The following AKR1B15 variants were observed in gnomAD, a reference collection of about 807,000 sequenced individuals.
AKR1B15 encodes the protein aldo-keto reductase family 1 member B15, also known as estradiol 17-beta-dehydrogenase AKR1B15.
A neutral mutation model predicts 38.5 loss-of-function variants in AKR1B15; 49 were observed. That is an observed-to-expected ratio of 1.27 (90% CI 1.01 to 1.62). AKR1B15 has a LOEUF of 1.62. Among genes scored for constraint, AKR1B15 ranks in the 40% most tolerant of loss-of-function variants. The pLI, the probability that AKR1B15 is intolerant of heterozygous loss-of-function variation, is 0.00. For synonymous variants in AKR1B15, 137 were observed against 135.5 expected (o/e 1.01, Z -0.08); for missense variants, 411 against 381.6 (o/e 1.08, Z -0.64).
intron 2 of AKR1B15, among the ~76,000 whole-genome samples, chr7:134,558,118 G>C (rs1272166030): frequency 1.3e-5 from 2 of 152,174 alleles, no homozygotes; most frequent in African/African-American, 4.8e-5. Flanking sequence ...GGGACCCCAA[G>C]CAATGTGCAA....
At chr7:134,565,626 A>T in intron 3 of AKR1B15, 1 of 1,582,418 alleles carries the variant, frequency 6.3e-7, no homozygotes, top group African/African-American at 1.3e-5. Context: ...CAGCCAGAAA[A>T]GCCTGGAGGT....
At chr7:134,566,294 A>G (rs746729790) in intron 3 of AKR1B15, among the ~76,000 whole-genome samples, 4 of 152,110 alleles carry the variant, frequency 2.6e-5, no homozygotes, top group Non-Finnish European at 4.4e-5. Context: ...GATCCCGTGT[A>G]AGAGAAAGAA....
In AKR1B15 at chr7:134,579,829, C is replaced by T. The variant is rs1794844384; in HGVS notation, c.*280C>T. 2.8e-6 allele frequency: 1 copy of T among 353,152 alleles called. No homozygotes were observed. The highest frequency in any genetic ancestry group is 4.7e-5 in the Admixed American group (1 of 21,360). The allele number at this position is 353,152 out of a possible 1,614,324, so 21.9% of individuals were successfully genotyped here. A position where few individuals can be genotyped will look rare whatever the true frequency, so the allele number is the denominator to read the frequency against. On this transcript the variant is annotated 3_prime_UTR_variant, in exon 12 of 12. Coordinates refer to ENST00000457545, the MANE Select transcript of AKR1B15 (RefSeq NM_001080538.3). Reference sequence around the variant, plus strand: ...TTAAGCACCAGAAACTCTGCCAACACTGAGGATGTAAAGATAAATAATAAA... The same window carrying T: ...TTAAGCACCAGAAACTCTGCCAACATTGAGGATGTAAAGATAAATAATAAA...
intron 3 of AKR1B15, among the ~76,000 whole-genome samples, chr7:134,565,721 A>G (rs1193973700): frequency 2.0e-5 from 3 of 152,154 alleles, no homozygotes; most frequent in Admixed American, 6.5e-5. Context: ...TCAAGCTGCA[A>G]TGCTGCAAGA....
rs549352884 is a variant in AKR1B15, at chr7:134,578,886, C to T, written c.993-621C>T. 3.3e-5 allele frequency among the ~76,000 whole-genome samples: 5 copies of T among 152,288 alleles called. No homozygotes were observed. The South Asian group carries it at 1.0e-3, about 32-fold the overall frequency. ...GGTGAACATAAGATGTGACTCTCCCCCAAACTAAAACACTTACTTTCCTAT... is the reference window on the plus strand; with the variant it reads ...GGTGAACATAAGATGTGACTCTCCCTCAAACTAAAACACTTACTTTCCTAT... On this transcript the variant is annotated intron_variant, in intron 11 of 11. Coordinates refer to ENST00000457545, the MANE Select transcript of AKR1B15 (RefSeq NM_001080538.3).
At position 134,577,777 on chromosome 7, in the gene AKR1B15, A is replaced by G. The variant is rs1794797135; in HGVS notation, c.983A>G (p.Asp328Gly). The G allele has an allele frequency of 6.2e-7, 1 of 1,613,906 alleles. No individual in the cohort carries two copies. Among genetic ancestry groups the G allele is most frequent in the African/African-American group, 1.3e-5 (1 of 75,056 alleles). ...TTCAACAGAAACTGGAGGGCCTTTG[A>G]CTTCAAGGAGTAAGTGGCATGGAGT... ...LSFNRNWRAFDFKEFSHLEDF... is the reference protein window; with the variant it reads ...LSFNRNWRAFGFKEFSHLEDF... The change falls in exon 11 of 12, where the codon GAC becomes GGC. Residue 328 changes from aspartate (D) to glycine (G), a missense_variant. Transcript: ENST00000457545.
intron 1 of AKR1B15, among the ~76,000 whole-genome samples, chr7:134,554,233 C>CA: frequency 6.6e-6 from 1 of 152,128 alleles, no homozygotes; most frequent in East Asian, 1.9e-4. Context: ...AACCAAAGAG[C>CA]AGACTCTGCA....
At chr7:134,577,072 G>T in intron 10 of AKR1B15, 26 bp downstream of exon 10, 1 of 1,588,562 alleles carries the variant, frequency 6.3e-7, no homozygotes, top group Non-Finnish European at 8.6e-7. Flanking sequence ...GTCGGGCCTG[G>T]TATTCCTCAG....
chr7:134,565,473 C>T (rs780450663), intron 3 of AKR1B15: 30 of 1,613,156 alleles, frequency 1.9e-5, no homozygotes, highest in Non-Finnish European at 2.3e-5. Flanking sequence ...ATCATTTCCG[C>T]ACCAACCATG....
Position 134,562,936 on chromosome 7 carries a change from T to G in AKR1B15, c.-22-1662T>G, listed in dbSNP as rs182932458. ...TTCCTTCCTTCCTTGCTCCCTTCCT[T>G]CCTTTACTCTCTTTCTGTCTTTTTC... On this transcript the variant is annotated intron_variant, in intron 2 of 11. Transcript: ENST00000457545. 7.3e-5 allele frequency among the ~76,000 whole-genome samples: 11 copies of G among 150,820 alleles called. No homozygotes were observed. The East Asian group carries it at 2.0e-3, about 27-fold the overall frequency.
At chr7:134,559,858 C>A (rs1443065618) in intron 2 of AKR1B15, among the ~76,000 whole-genome samples, 1 of 152,118 alleles carries the variant, frequency 6.6e-6, no homozygotes, top group African/African-American at 2.4e-5. Flanking sequence ...GCCTGTAATC[C>A]CAGCACTTTG....
intron 2 of AKR1B15, among the ~76,000 whole-genome samples, chr7:134,561,975 TC>T (rs1794407587): frequency 1.3e-5 from 2 of 152,260 alleles, no homozygotes; most frequent in South Asian, 4.1e-4. Context: ...TTTTCTTCCT[TC>T]TTTGCTTTGC....
intron 6 of AKR1B15, among the ~76,000 whole-genome samples, chr7:134,572,353 C>G (rs765279893): frequency 6.6e-6 from 1 of 152,090 alleles, no homozygotes; most frequent in Non-Finnish European, 1.5e-5. Context: ...AACACACATC[C>G]GGAAATCAGG....
chr7:134,575,435 G>T lies in AKR1B15; in HGVS notation c.529G>T (p.Val177Leu), dbSNP rs1484607007. 7 of 1,613,840 alleles carry T rather than the reference G, an allele frequency of 4.3e-6. No homozygotes were observed. The highest frequency in any genetic ancestry group is 5.9e-6 in the Non-Finnish European group (7 of 1,179,806). Residue 177 changes from valine (V) to leucine (L), a missense_variant, in exon 7 of 12, where the codon GTG (valine) becomes TTG (leucine). Physicochemically the swap from Val to Leu is conservative, Grantham distance 32. Transcript: ENST00000457545. The stretch of plus-strand genomic sequence containing the variant: ...TCTATGATAGGCCATGGAGGAGCTG[G>T]TGGACGAGGGGCTGGTGAAAGCCCT... ...LDAWEAMEELVDEGLVKALGV... is the reference protein window; with the variant it reads ...LDAWEAMEELLDEGLVKALGV...
intron 1 of AKR1B15, among the ~76,000 whole-genome samples, chr7:134,555,097 G>A (rs1047022697): frequency 2.6e-4 from 40 of 152,088 alleles, no homozygotes; most frequent in African/African-American, 9.7e-4. Context: ...TGTATGGAAG[G>A]GCTCCGCCTA....
At chr7:134,562,827 CCTTTCTCTTT>C (rs1475293995) in intron 2 of AKR1B15, among the ~76,000 whole-genome samples, 10 of 138,398 alleles carry the variant, frequency 7.2e-5, no homozygotes, top group South Asian at 5.0e-4. Flanking sequence ...TTCCTTCCTT[CCTTTCTCTTT>C]CTTTCTTTCT....
Position 134,579,387 on chromosome 7 carries a change from G to A in AKR1B15, c.993-120G>A, listed in dbSNP as rs1452854679. ...GTGTAAGCACCCTTCTTGTGTTCTT[G>A]CAGGGAGGAGGCTGAGAGACCACAA... On this transcript the variant is annotated intron_variant, in intron 11 of 11. Coordinates refer to ENST00000457545, the MANE Select transcript of AKR1B15 (RefSeq NM_001080538.3). The A allele has an allele frequency of 6.3e-6, 5 of 789,866 alleles. No individual in the cohort carries two copies. The African/African-American group carries it at 9.0e-5, about 14-fold the overall frequency. 48.9% of individuals were successfully genotyped at this position (789,866 alleles called of 1,614,324 possible).
At chr7:134,561,145 G>A (rs1794376944) in intron 2 of AKR1B15, among the ~76,000 whole-genome samples, 1 of 152,150 alleles carries the variant, frequency 6.6e-6, no homozygotes, top group Non-Finnish European at 1.5e-5. Context: ...AGTATACACT[G>A]GGAAAATAAG....
rs1794767935 is a variant in AKR1B15, at chr7:134,576,350, G to T, written c.745G>T (p.Ala249Ser). The T allele has an allele frequency of 1.2e-6, 2 of 1,613,910 alleles. No individual in the cohort carries two copies. Among genetic ancestry groups the T allele is most frequent in the Non-Finnish European group, 1.7e-6 (2 of 1,179,960 alleles). Reference protein sequence around the residue: ...SPLGSPDRPWAKPEDPSLLED... With the variant: ...SPLGSPDRPWSKPEDPSLLED... ...ACATCAGCATCTTTCTGCCCCTAGG[G>T]CCAAACCTGAGGACCCTTCCCTGCT... is the stretch of plus-strand genomic sequence containing the variant. Residue 249 changes from alanine (A) to serine (S), a missense_variant and splice_region_variant, in exon 9 of 12, where the codon GCC becomes TCC. Coordinates refer to ENST00000457545, the MANE Select transcript of AKR1B15 (RefSeq NM_001080538.3).
Sources: gnomAD v4.1 joint callset for allele counts (sites outside exome capture counted in the v4.1 genomes callset) on GRCh38, gnomAD v4.1.1 for gene constraint, MANE v1.5 for transcripts, NCBI Gene and HGNC (gene_info 2026-07-23, HGNC 2026-07-21) for gene names.